Variants in PAICS observed in about 807,000 individuals in gnomAD.
PAICS encodes phosphoribosylaminoimidazole carboxylase and phosphoribosylaminoimidazolesuccinocarboxamide synthase.
PAICS carries 33 observed loss-of-function variants against 53.7 expected under a neutral mutation model. The observed-to-expected ratio is 0.61, with a 90% CI of 0.47 to 0.82. The LOEUF (loss-of-function observed/expected upper bound fraction) is 0.82. Ranked by LOEUF, PAICS falls within the 40% of genes least tolerant of loss-of-function variation. The pLI is 0.00. For missense variants in PAICS, 394 were observed against 494.1 expected (o/e 0.80, Z 1.92); for synonymous variants, 141 against 167.2 (o/e 0.84, Z 1.21).
chr4:56,435,691 G>C, upstream of PAICS: 2 of 1,457,872 alleles, frequency 1.4e-6, no homozygotes, highest in Non-Finnish European at 1.8e-6. Flanking sequence ...ACCAACGAGC[G>C]AGGGCGGAGG....
At chr4:56,439,156 A>G (rs951415446) in intron 1 of PAICS, among the ~76,000 whole-genome samples, 1 of 152,200 alleles carries the variant, frequency 6.6e-6, no homozygotes, top group Non-Finnish European at 1.5e-5. Context: ...GAGGGGCATT[A>G]GATACAAACT....
intron 4 of PAICS, 24 bp downstream of exon 4, chr4:56,448,621 A>G (rs1244107853): frequency 6.4e-7 from 1 of 1,560,520 alleles, no homozygotes; most frequent in East Asian, 2.3e-5. Context: ...AAGTACAGAT[A>G]AAACAACAGG....
At chr4:56,417,831 T>C in the PAICS span, among the ~76,000 whole-genome samples, 1 of 116,648 alleles carries the variant, frequency 8.6e-6, no homozygotes, top group East Asian at 2.4e-4. Flanking sequence ...AATTTGAAGA[T>C]TTGGTTTTTT....
At chr4:56,421,237 G>C in the PAICS span, 1 of 155,560 alleles carries the variant, frequency 6.4e-6, no homozygotes, top group Non-Finnish European at 1.4e-5. Flanking sequence ...CTGATGATCT[G>C]TCATTGTCTC....
At chr4:56,456,502 G>A (rs572768203) in intron 8 of PAICS, among the ~76,000 whole-genome samples, 3 of 152,126 alleles carry the variant, frequency 2.0e-5, no homozygotes, top group Non-Finnish European at 2.9e-5. Context: ...TGAACTCCCC[G>A]GGCTCATGTG....
intron 2 of PAICS, among the ~76,000 whole-genome samples, chr4:56,445,058 G>A (rs1718536196): frequency 6.6e-6 from 1 of 152,036 alleles, no homozygotes. Context: ...AGGTTAAAAT[G>A]ACAGTTTTAC....
At chr4:56,448,935 T>A in intron 5 of PAICS, 112 bp downstream of exon 5, 2 of 634,284 alleles carry the variant, frequency 3.2e-6, no homozygotes, top group South Asian at 3.9e-5. Context: ...TGAACCTGTT[T>A]TGTGGATTGC....
chr4:56,459,538 A>G lies in PAICS; in HGVS notation c.1278A>G (p.Ter426=). 6.5e-7 allele frequency: 1 copy of G among 1,545,378 alleles called. No homozygotes were observed. The highest frequency in any genetic ancestry group is 1.4e-5 in the African/African-American group (1 of 73,434). The change falls in exon 9 of 9, where the codon TAA becomes TAG. Residue 426 remains the stop codon, a stop_retained_variant. Coordinates refer to ENST00000512576, the MANE Select transcript of PAICS (RefSeq NM_001079524.2). ...ADKKIRECNL[*] is the part of the protein sequence containing the mutation. ...AGAAAATCAGAGAATGTAATTTATA[A>G]GAAAGAATGCCATTGAATTTTTTAG...
chr4:56,412,226 G>C, the PAICS span, among the ~76,000 whole-genome samples: 1 of 151,966 alleles, frequency 6.6e-6, no homozygotes, highest in Admixed American at 6.5e-5. Flanking sequence ...ATAAACAGAG[G>C]GACTATCCTT....
At chr4:56,434,325 C>G (rs370997994), upstream of PAICS, among the ~76,000 whole-genome samples, 59 of 152,298 alleles carry the variant, frequency 3.9e-4, no homozygotes, top group African/African-American at 1.4e-3. Flanking sequence ...TGCGTTTATA[C>G]GTGTTGCACC....
At chr4:56,441,946 C>A in intron 2 of PAICS, 86 bp downstream of exon 2, 2 of 896,686 alleles carry the variant, frequency 2.2e-6, no homozygotes, top group Non-Finnish European at 3.3e-6. Flanking sequence ...TTAATATGAA[C>A]AACTTGTTTG....
the PAICS span, among the ~76,000 whole-genome samples, chr4:56,412,801 C>T: frequency 2.6e-5 from 4 of 152,120 alleles, no homozygotes; most frequent in African/African-American, 9.7e-5. Context: ...ATTAATGTAA[C>T]CTCTTTACCG....
the PAICS span, among the ~76,000 whole-genome samples, chr4:56,426,550 G>GT: frequency 6.6e-6 from 1 of 152,092 alleles, no homozygotes; most frequent in African/African-American, 2.4e-5. Flanking sequence ...ATACATTTTT[G>GT]TGTCTGGCTT....
intron 6 of PAICS, chr4:56,450,963 G>A (rs985881359): frequency 3.2e-5 from 9 of 283,134 alleles, no homozygotes; most frequent in Middle Eastern, 1.1e-3. Flanking sequence ...GACTACAGGC[G>A]CTGGCCACCA....
chr4:56,450,641 T>C lies in PAICS; in HGVS notation c.710T>C (p.Val237Ala), dbSNP rs1481626793. 5 of 1,539,522 alleles carry C rather than the reference T, an allele frequency of 3.2e-6. No individual in the cohort carries two copies. The highest frequency in any genetic ancestry group is 4.4e-6 in the Non-Finnish European group (5 of 1,132,836). ...TAGTCTTATCGGGACCTCAAAGAAG[T>C]AACTCCTGAAGGGCTCCAAATGGTA... ...DKQSYRDLKE[V>A]TPEGLQMVKK... Residue 237 changes from valine (V) to alanine (A), a missense_variant, in exon 6 of 9, where the codon GTA becomes GCA. Physicochemically the swap from Val to Ala is moderately conservative, Grantham distance 64. This residue lies in a region of PAICS where 131 missense variants were observed against 205.5 expected (regional missense o/e 0.64). Coordinates refer to ENST00000512576, the MANE Select transcript of PAICS (RefSeq NM_001079524.2).
At chr4:56,442,766 A>G (rs1269822474) in intron 2 of PAICS, among the ~76,000 whole-genome samples, 10 of 152,154 alleles carry the variant, frequency 6.6e-5, no homozygotes, top group Non-Finnish European at 1.3e-4. Context: ...GGTAGCACTA[A>G]TCTTTCTTAA....
At chr4:56,436,001 A>C, upstream of PAICS, 5 of 1,520,416 alleles carry the variant, frequency 3.3e-6, no homozygotes, top group Admixed American at 1.8e-5. Context: ...CAGAGTGGGG[A>C]GGGGCCGCCA....
the PAICS span, among the ~76,000 whole-genome samples, chr4:56,424,542 CAT>C: frequency 0.027 from 4,053 of 152,256 alleles, 198 homozygotes; most frequent in African/African-American, 0.092. Context: ...GGAGAAGAAT[CAT>C]AGACTGCTCA....
chr4:56,453,861 C>A, intron 8 of PAICS, 100 bp downstream of exon 8: 1 of 724,642 alleles, frequency 1.4e-6, no homozygotes, highest in Non-Finnish European at 2.2e-6. Flanking sequence ...TACCCATGAC[C>A]TAGCTTCAGC....
Sources: gnomAD v4.1 joint callset for allele counts (sites outside exome capture counted in the v4.1 genomes callset) on GRCh38, gnomAD v4.1.1 for gene constraint, gnomAD v4.1.1 regional missense constraint, MANE v1.5 for transcripts, NCBI Gene and HGNC (gene_info 2026-07-23, HGNC 2026-07-21) for gene names.